The following NCK2 variants were observed in gnomAD, a reference collection of about 807,000 sequenced individuals.
NCK2 encodes the protein cytoplasmic protein NCK2.
Under a neutral mutation model 33.9 loss-of-function variants are expected in NCK2, and 16 were observed. That is an observed-to-expected ratio of 0.47 (90% confidence interval 0.32 to 0.72). NCK2 has a LOEUF of 0.72. Among genes scored for constraint, NCK2 ranks in the 30% least tolerant of loss-of-function variants. The pLI, the probability that NCK2 is intolerant of heterozygous loss-of-function variation, is 0.03. For synonymous variants in NCK2, 273 were observed against 239.9 expected (o/e 1.14, Z -1.27); for missense variants, 418 against 537.3 (o/e 0.78, Z 2.19).
At chr2:105,876,439 C>A (rs978742684) in intron 3 of NCK2, among the ~76,000 whole-genome samples, 1 of 152,144 alleles carries the variant, frequency 6.6e-6, no homozygotes, top group Admixed American at 6.5e-5. Context: ...TCACTGTTGA[C>A]CCCAAGGTGA....
chr2:105,744,665 C>T (rs1201898874), upstream of NCK2, among the ~76,000 whole-genome samples: 11 of 151,856 alleles, frequency 7.2e-5, no homozygotes, highest in African/African-American at 4.8e-5. Flanking sequence ...TCCCGCAGCC[C>T]CGCGCTATCC....
At chr2:105,844,747 G>GGT (rs368706967) in intron 2 of NCK2, among the ~76,000 whole-genome samples, 1 of 133,618 alleles carries the variant, frequency 7.5e-6, no homozygotes, top group African/African-American at 2.9e-5. Flanking sequence ...GGCGGGGGGG[G>GGT]ATATATATAT....
intron 1 of NCK2, among the ~76,000 whole-genome samples, chr2:105,779,660 A>G (rs1690423610): frequency 6.6e-6 from 1 of 152,082 alleles, no homozygotes; most frequent in Admixed American, 6.5e-5. Flanking sequence ...CGGGAGACGT[A>G]TGCAGGTGGA....
chr2:105,758,201 A>G (rs1311709115), intron 1 of NCK2, among the ~76,000 whole-genome samples: 2 of 152,112 alleles, frequency 1.3e-5, no homozygotes, highest in African/African-American at 4.8e-5. Flanking sequence ...TTAATTGATA[A>G]TGGCATAAAG....
chr2:105,749,387 T>G (rs547671770), intron 1 of NCK2, among the ~76,000 whole-genome samples: 1 of 152,354 alleles, frequency 6.6e-6, no homozygotes, highest in Admixed American at 6.5e-5. Context: ...AATGCCATGA[T>G]GAGAGAATGA....
intron 3 of NCK2, among the ~76,000 whole-genome samples, chr2:105,866,771 G>T (rs1677781360): frequency 6.6e-6 from 1 of 152,178 alleles, no homozygotes; most frequent in Non-Finnish European, 1.5e-5. Context: ...CTGGTCTAGA[G>T]AACATCAGGC....
chr2:105,814,068 T>C lies in NCK2; in HGVS notation c.-200-2362T>C, dbSNP rs77177046. Among the ~76,000 whole-genome samples, 8 of 152,356 alleles carry C rather than the reference T, an allele frequency of 5.3e-5. No homozygotes were observed. The East Asian group carries it at 1.5e-3, about 29-fold the overall frequency. Reference sequence around the variant, plus strand: ...AGGTGTTTATCTTTCAGGCTGATACTGTTTTTTGCACAAAAGTGTATACTT... The same window carrying C: ...AGGTGTTTATCTTTCAGGCTGATACCGTTTTTTGCACAAAAGTGTATACTT... On this transcript the variant is annotated intron_variant, in intron 1 of 4. Coordinates refer to ENST00000233154, the MANE Select transcript of NCK2 (RefSeq NM_003581.5).
intron 1 of NCK2, among the ~76,000 whole-genome samples, chr2:105,799,655 A>G (rs12464067): frequency 0.32 from 48,923 of 152,142 alleles, 9,260 homozygotes; most frequent in Non-Finnish European, 0.42. Flanking sequence ...CCACTATATG[A>G]AAGCCTATAA....
At position 105,878,734 on chromosome 2, in the gene NCK2, A is replaced by C. The variant is rs143433754; in HGVS notation, c.227-2594A>C. On this transcript the variant is annotated intron_variant, in intron 3 of 4. Coordinates refer to ENST00000233154, the MANE Select transcript of NCK2 (RefSeq NM_003581.5). ...TTTATTAAGTAATTTGACTAAGAGC[A>C]TGCAGCTCTCTGTCAGTCTGCACTG... Among the ~76,000 whole-genome samples, 41 of 152,356 alleles carry C rather than the reference A, an allele frequency of 2.7e-4. 1 individual carries two copies. The East Asian group carries it at 7.7e-3, about 29-fold the overall frequency.
At chr2:105,853,213 A>G (rs988031174) in intron 2 of NCK2, among the ~76,000 whole-genome samples, 1 of 152,146 alleles carries the variant, frequency 6.6e-6, no homozygotes, top group Non-Finnish European at 1.5e-5. Flanking sequence ...TAAGGACTGA[A>G]TATTGAATTT....
At chr2:105,760,714 T>C (rs1337056567) in intron 1 of NCK2, among the ~76,000 whole-genome samples, 1 of 151,968 alleles carries the variant, frequency 6.6e-6, no homozygotes, top group Non-Finnish European at 1.5e-5. Context: ...GAGAACCCTA[T>C]TGTGGAAAGG....
At chr2:105,794,477 C>T (rs1573601554) in intron 1 of NCK2, among the ~76,000 whole-genome samples, 2 of 151,724 alleles carry the variant, frequency 1.3e-5, no homozygotes, top group East Asian at 3.9e-4. Flanking sequence ...TTAAAATAAC[C>T]CCACCAATAT....
chr2:105,805,231 G>A (rs1214051567), intron 1 of NCK2, among the ~76,000 whole-genome samples: 1 of 152,212 alleles, frequency 6.6e-6, no homozygotes, highest in Non-Finnish European at 1.5e-5. Flanking sequence ...CGATGGCATT[G>A]GGAAGCTGAG....
intron 1 of NCK2, among the ~76,000 whole-genome samples, chr2:105,808,444 T>C (rs183289021): frequency 2.0e-5 from 3 of 152,224 alleles, no homozygotes; most frequent in Non-Finnish European, 4.4e-5. Context: ...CTAACTTGTT[T>C]CATTTACTAA....
At chr2:105,794,700 TTTA>T (rs1691013693) in intron 1 of NCK2, among the ~76,000 whole-genome samples, 7 of 7,266 alleles carry the variant, frequency 9.6e-4, no homozygotes, top group Non-Finnish European at 3.6e-4. Flanking sequence ...TATTATTTTA[TTTA>T]TTTATTTATT....
chr2:105,843,751 T>C (rs1676740799), intron 2 of NCK2, among the ~76,000 whole-genome samples: 1 of 152,168 alleles, frequency 6.6e-6, no homozygotes, highest in South Asian at 2.1e-4. Flanking sequence ...ATGGAATACG[T>C]TAATTAGTAG....
At position 105,893,396 on chromosome 2, in the gene NCK2, A is replaced by T; in HGVS notation, c.*220A>T. 6 of 522,116 alleles carry T rather than the reference A, an allele frequency of 1.1e-5. No individual in the cohort carries two copies. 32.3% of individuals were successfully genotyped at this position (522,116 alleles called of 1,614,324 possible). On this transcript the variant is annotated 3_prime_UTR_variant, in exon 5 of 5. Coordinates refer to ENST00000233154, the MANE Select transcript of NCK2 (RefSeq NM_003581.5). Reference sequence around the variant, plus strand: ...GCCAGCTTTAGAGGAGGGGAGGAGCAGGGCGAGTTCACATTATTCCTTTTC... The same window carrying T: ...GCCAGCTTTAGAGGAGGGGAGGAGCTGGGCGAGTTCACATTATTCCTTTTC...
rs56141591 is a variant in NCK2, at chr2:105,806,238, C to CTTTTTTTTTTTTT, written c.-200-10187_-200-10175dup. On this transcript the variant is annotated intron_variant, in intron 1 of 4. Transcript: ENST00000233154. ...ATATCACACATATCACATTTTCTTT[C>CTTTTTTTTTTTTT]TTTTTTTTTTTTTTTTTGAGACAGA... Among the ~76,000 whole-genome samples, 2 of 135,970 alleles carry CTTTTTTTTTTTTT rather than the reference C, an allele frequency of 1.5e-5. 1 individual carries two copies. The highest frequency in any genetic ancestry group is 3.0e-5 in the Non-Finnish European group (2 of 65,610). 89.2% of individuals were successfully genotyped at this position (135,970 alleles called of 152,430 possible). A position where few individuals can be genotyped will look rare whatever the true frequency, so the allele number is the denominator to read the frequency against.
chr2:105,818,842 C>T (rs1199059505), intron 2 of NCK2, among the ~76,000 whole-genome samples: 1 of 152,148 alleles, frequency 6.6e-6, no homozygotes, highest in African/African-American at 2.4e-5. Flanking sequence ...ACTTGGTCTG[C>T]TACTACTACA....
Sources: allele counts gnomAD v4.1 joint callset (sites outside exome capture counted in the v4.1 genomes callset), GRCh38; gene constraint gnomAD v4.1.1; transcripts MANE v1.5; gene names NCBI Gene and HGNC (gene_info 2026-07-23, HGNC 2026-07-21).